Variants in GRM1 observed in about 807,000 individuals in gnomAD.
GRM1 encodes the protein glutamate metabotropic receptor 1, also known as metabotropic glutamate receptor 1.
In GRM1, 33 loss-of-function variants were observed where a neutral mutation model predicts 90.9. The ratio of observed to expected loss-of-function variants is 0.36; its 90% CI spans 0.28 to 0.49. GRM1 has a LOEUF of 0.49. Among genes scored for constraint, GRM1 ranks in the 20% least tolerant of loss-of-function variants. GRM1 has a pLI of 0.99. For synonymous variants in GRM1, 700 were observed against 613.2 expected (o/e 1.14, Z -2.09); for missense variants, 1,190 against 1,534.3 (o/e 0.78, Z 3.75).
chr6:146,074,637 G>T (rs1002001895), intron 1 of GRM1, among the ~76,000 whole-genome samples: 3 of 152,104 alleles, frequency 2.0e-5, no homozygotes, highest in African/African-American at 7.2e-5. Context: ...ATTGTTGTTT[G>T]CTTATAGAAG....
At chr6:146,104,439 C>CA (rs1195395334) in intron 1 of GRM1, among the ~76,000 whole-genome samples, 10 of 142,772 alleles carry the variant, frequency 7.0e-5, no homozygotes, top group African/African-American at 1.8e-4. Context: ...GACTCCGTCT[C>CA]AAAAAAAAGA....
At chr6:146,289,137 T>A (rs1782883450) in intron 2 of GRM1, among the ~76,000 whole-genome samples, 1 of 152,144 alleles carries the variant, frequency 6.6e-6, no homozygotes, top group Admixed American at 6.5e-5. Flanking sequence ...AAGTGTAAAA[T>A]CGCCTCAGGC....
intron 7 of GRM1, among the ~76,000 whole-genome samples, chr6:146,433,659 T>C (rs1411493613): frequency 6.6e-6 from 1 of 152,116 alleles, no homozygotes. Flanking sequence ...TACAACAGAC[T>C]GGCTTTTCTC....
chr6:146,219,968 T>C (rs1347359280), intron 2 of GRM1, among the ~76,000 whole-genome samples: 2 of 151,838 alleles, frequency 1.3e-5, no homozygotes, highest in Non-Finnish European at 2.9e-5. Context: ...TGTATAAGCT[T>C]AGTATTAGGA....
chr6:146,431,214 C>A (rs1047821976), intron 7 of GRM1, among the ~76,000 whole-genome samples: 5 of 152,120 alleles, frequency 3.3e-5, no homozygotes, highest in African/African-American at 1.2e-4. Context: ...TACTTTACAG[C>A]AAATCTAGAG....
chr6:146,287,850 G>A (rs919262422), intron 2 of GRM1, among the ~76,000 whole-genome samples: 1 of 152,170 alleles, frequency 6.6e-6, no homozygotes, highest in Non-Finnish European at 1.5e-5. Flanking sequence ...GCCTTCTAAT[G>A]TTCTCAAAAG....
chr6:146,164,209 A>G (rs2128892559), intron 2 of GRM1, among the ~76,000 whole-genome samples: 1 of 152,250 alleles, frequency 6.6e-6, no homozygotes, highest in South Asian at 2.1e-4. Context: ...AGTTCCAAAA[A>G]CAGCCCTGAA....
chr6:146,307,477 C>A (rs1223707215), intron 3 of GRM1, among the ~76,000 whole-genome samples: 2 of 152,094 alleles, frequency 1.3e-5, no homozygotes, highest in Non-Finnish European at 2.9e-5. Flanking sequence ...TTCATGTATA[C>A]CTACCTTGGT....
chr6:146,155,609 A>G (rs991534759), intron 1 of GRM1, among the ~76,000 whole-genome samples: 6 of 152,170 alleles, frequency 3.9e-5, no homozygotes, highest in African/African-American at 1.4e-4. Flanking sequence ...TTTTCAAAGG[A>G]GGTGATATTT....
At chr6:146,170,828 C>CT (rs894072130) in intron 2 of GRM1, among the ~76,000 whole-genome samples, 22 of 151,550 alleles carry the variant, frequency 1.5e-4, no homozygotes, top group African/African-American at 4.4e-4. Context: ...GTGAGTCACA[C>CT]TTTTTTTTAA....
intron 1 of GRM1, among the ~76,000 whole-genome samples, chr6:146,140,786 T>G (rs1280684260): frequency 2.0e-5 from 3 of 152,194 alleles, no homozygotes; most frequent in African/African-American, 4.8e-5. Context: ...GTTTAAAACC[T>G]TTTTGACTTT....
intron 1 of GRM1, among the ~76,000 whole-genome samples, chr6:146,138,025 ATTTC>A (rs750482904): frequency 2.6e-4 from 40 of 152,258 alleles, no homozygotes; most frequent in Non-Finnish European, 4.7e-4. Context: ...ACTTTACTGA[ATTTC>A]TTTATCAGTT....
At chr6:146,166,692 T>G (rs1358918346) in intron 2 of GRM1, among the ~76,000 whole-genome samples, 1 of 152,078 alleles carries the variant, frequency 6.6e-6, no homozygotes, top group Admixed American at 6.6e-5. Flanking sequence ...TAACTCAAGG[T>G]TATGAGTCTA....
At chr6:146,232,308 C>G (rs1780475580) in intron 2 of GRM1, among the ~76,000 whole-genome samples, 1 of 152,022 alleles carries the variant, frequency 6.6e-6, no homozygotes, top group Non-Finnish European at 1.5e-5. Flanking sequence ...GATCTATCTT[C>G]TTTGTCTATC....
intron 6 of GRM1, among the ~76,000 whole-genome samples, chr6:146,388,657 G>T (rs1460887303): frequency 6.6e-6 from 1 of 151,932 alleles, no homozygotes; most frequent in Non-Finnish European, 1.5e-5. Flanking sequence ...CTTTTTATTT[G>T]CCAGCTAAAT....
At chr6:146,413,000 T>G (rs1397221213) in intron 7 of GRM1, among the ~76,000 whole-genome samples, 1 of 152,198 alleles carries the variant, frequency 6.6e-6, no homozygotes, top group Non-Finnish European at 1.5e-5. Flanking sequence ...GTTCCTATGA[T>G]GATGGCTCCC....
rs560182897 is a variant in GRM1 at position 146,330,637 on chromosome 6, A to C, written c.1187-21613A>C. Among the ~76,000 whole-genome samples the C allele has an allele frequency of 3.9e-5, 6 of 152,308 alleles. No individual in the cohort carries two copies. The South Asian group carries it at 1.2e-3, about 32-fold the overall frequency. ...TAATTCTGGCAAGTCTAAAAAATAC[A>C]TCATCAGCGTGGTGTTATCCCCAAT... On this transcript the variant is annotated intron_variant, in intron 3 of 7. Coordinates refer to ENST00000282753, the MANE Select transcript of GRM1 (RefSeq NM_001278064.2).
intron 2 of GRM1, among the ~76,000 whole-genome samples, chr6:146,277,427 A>G (rs1782415580): frequency 6.6e-6 from 1 of 152,212 alleles, no homozygotes; most frequent in Non-Finnish European, 1.5e-5. Flanking sequence ...GGCTAACAGT[A>G]TGATCTATGG....
chr6:146,035,247 T>C (rs1790846356), intron 1 of GRM1, among the ~76,000 whole-genome samples: 1 of 151,952 alleles, frequency 6.6e-6, no homozygotes. Context: ...TCAGTCTTTA[T>C]AGACATGAAG....
Sources: allele counts gnomAD v4.1 joint callset (sites outside exome capture counted in the v4.1 genomes callset), GRCh38; gene constraint gnomAD v4.1.1; transcripts MANE v1.5; gene names NCBI Gene and HGNC (gene_info 2026-07-23, HGNC 2026-07-21).